The following PPP1R8 variants were observed in gnomAD, a reference collection of about 807,000 sequenced individuals.
The protein encoded by PPP1R8 is protein phosphatase 1 regulatory subunit 8.
PPP1R8 carries 4 observed loss-of-function variants against 31.3 expected under a neutral mutation model. The observed-to-expected ratio is 0.13, with a 90% CI of 0.06 to 0.29. The LOEUF is 0.29. PPP1R8 is among the 10% of genes least tolerant of loss of function. PPP1R8 has a pLI of 1.00. For missense variants in PPP1R8, 254 were observed against 440.1 expected, an observed-to-expected ratio of 0.58 and a Z score of 3.78; for synonymous variants, 170 against 169.7, an observed-to-expected ratio of 1.00 and a Z score of -0.01.
chr1:27,832,960 A>G (rs547448308), intron 2 of PPP1R8, 144 bp downstream of exon 2: 37 of 673,078 alleles, frequency 5.5e-5, no homozygotes, highest in Admixed American at 9.5e-5. Flanking sequence ...TTAAAAGCAC[A>G]TGGTGACATC....
chr1:27,838,264 C>A (rs936575093), intron 2 of PPP1R8, among the ~76,000 whole-genome samples: 3 of 151,680 alleles, frequency 2.0e-5, no homozygotes, highest in African/African-American at 7.3e-5. Flanking sequence ...CCTGTAGTCC[C>A]AGCTCCTTGG....
chr1:27,833,518 T>G (rs2148614080), intron 2 of PPP1R8, among the ~76,000 whole-genome samples: 1 of 152,312 alleles, frequency 6.6e-6, no homozygotes, highest in Admixed American at 6.5e-5. Context: ...ACATAGGAGT[T>G]CAAGAGAACA....
At chr1:27,847,358 T>C (rs1400674888) in intron 6 of PPP1R8, among the ~76,000 whole-genome samples, 1 of 151,896 alleles carries the variant, frequency 6.6e-6, no homozygotes, top group Non-Finnish European at 1.5e-5. Context: ...AATACAAAAA[T>C]TAGCCAGGCG....
chr1:27,843,438 C>G, intron 5 of PPP1R8, 108 bp downstream of exon 5: 1 of 1,376,662 alleles, frequency 7.3e-7, no homozygotes, highest in African/African-American at 1.4e-5. Flanking sequence ...GGGTGGATCA[C>G]TTAAGGTCAA....
At chr1:27,848,692 A>G (rs1306039378) in intron 6 of PPP1R8, among the ~76,000 whole-genome samples, 1 of 152,228 alleles carries the variant, frequency 6.6e-6, no homozygotes, top group African/African-American at 2.4e-5. Context: ...AAAGGAGTAT[A>G]GGATTGAGCA....
chr1:27,831,771 TC>T (rs1306476169), intron 1 of PPP1R8, among the ~76,000 whole-genome samples: 1 of 152,162 alleles, frequency 6.6e-6, no homozygotes, highest in Non-Finnish European at 1.5e-5. Flanking sequence ...CGGTGCATTG[TC>T]CTTTCCATAG....
rs572002070 is a variant in PPP1R8, at chr1:27,849,642, C to T, written c.703-451C>T. On this transcript the variant is annotated intron_variant, in intron 6 of 6. Transcript: ENST00000311772. ...TAGCTGTGATTACAGGCACCTGCCA[C>T]CACGCCTGGCTAATTTTTGTATTTT... 2.0e-5 allele frequency among the ~76,000 whole-genome samples: 3 copies of T among 152,238 alleles called. No individual in the cohort carries two copies. The East Asian group carries it at 5.8e-4, about 30-fold the overall frequency.
intron 2 of PPP1R8, among the ~76,000 whole-genome samples, chr1:27,835,718 A>G (rs767860696): frequency 2.6e-5 from 4 of 152,278 alleles, no homozygotes; most frequent in Admixed American, 6.5e-5. Context: ...AGTAGAATGA[A>G]GAAAATATAT....
chr1:27,845,197 T>C (rs2089264101), intron 5 of PPP1R8, among the ~76,000 whole-genome samples: 1 of 148,466 alleles, frequency 6.7e-6, no homozygotes, highest in South Asian at 2.1e-4. Context: ...AAGACCATGC[T>C]GGCTAACACG....
At chr1:27,844,229 C>G (rs2089250626) in intron 5 of PPP1R8, among the ~76,000 whole-genome samples, 1 of 152,200 alleles carries the variant, frequency 6.6e-6, no homozygotes, top group African/African-American at 2.4e-5. Context: ...TCTTGACCTC[C>G]TGGGCTTAAG....
intron 5 of PPP1R8, 135 bp from the exon 6 acceptor site, chr1:27,846,893 C>T: frequency 1.4e-6 from 1 of 727,760 alleles, no homozygotes. Flanking sequence ...GCACAATGCC[C>T]AGCACCCAGG....
At chr1:27,832,152 G>A (rs941389688) in intron 1 of PPP1R8, among the ~76,000 whole-genome samples, 1 of 152,170 alleles carries the variant, frequency 6.6e-6, no homozygotes, top group Non-Finnish European at 1.5e-5. Context: ...CCCTTGAATG[G>A]TATGGCTGTA....
chr1:27,848,779 TTTTG>T (rs757413757), intron 6 of PPP1R8, among the ~76,000 whole-genome samples: 65 of 152,344 alleles, frequency 4.3e-4, no homozygotes, highest in African/African-American at 1.1e-3. Flanking sequence ...CCTTGAGCTT[TTTTG>T]TTTGTTTGTT....
At chr1:27,845,234 T>TA (rs200640304) in intron 5 of PPP1R8, among the ~76,000 whole-genome samples, 3,385 of 149,310 alleles carry the variant, frequency 0.023, 152 homozygotes, top group African/African-American at 0.079. Flanking sequence ...ACTAAAAATA[T>TA]AAAAAATTAG....
At position 27,838,842 on chromosome 1, in the gene PPP1R8, T is replaced by C. The variant is rs181868862; in HGVS notation, c.261T>C (p.Asp87=). The change falls in exon 3 of 7, where the codon GAT becomes GAC. Residue 87 remains aspartate (D), a synonymous_variant. Transcript: ENST00000311772. The part of the protein sequence containing the change: ...HKHLKRVFLI[D]LNSTHGTFLG... ...ATCTGAAGAGAGTTTTCCTGATAGA[T>C]CTCAACAGTAGTAAGTAACTCCCTC... The C allele has an allele frequency of 3.1e-6, 5 of 1,602,888 alleles. No homozygotes were observed. Among genetic ancestry groups the C allele is most frequent in the Non-Finnish European group, 4.3e-6 (5 of 1,176,138 alleles).
rs371761856 is a variant in PPP1R8 at position 27,851,591 on chromosome 1, T to C, written c.*1145T>C. On this transcript the variant is annotated 3_prime_UTR_variant, in exon 7 of 7. Transcript: ENST00000311772. ...ATTGCCACTGCCATCTGGAAATGTTTGCTAAAGGCACAGTCACTGGGCTTG... is the reference window on the plus strand; with the variant it reads ...ATTGCCACTGCCATCTGGAAATGTTCGCTAAAGGCACAGTCACTGGGCTTG... 6.5e-5 allele frequency: 33 copies of C among 511,412 alleles called. No homozygotes were observed. The highest frequency in any genetic ancestry group is 5.6e-4 in the African/African-American group (29 of 51,904). The allele number at this position is 511,412 out of a possible 1,614,324, so 31.7% of individuals were successfully genotyped here. A position where few individuals can be genotyped will look rare whatever the true frequency, so the allele number is the denominator to read the frequency against.
intron 2 of PPP1R8, 62 bp downstream of exon 2, chr1:27,832,878 C>T: frequency 7.5e-7 from 1 of 1,335,742 alleles, no homozygotes; most frequent in South Asian, 1.3e-5. Context: ...CAGTGACTCA[C>T]TTTTCCACCC....
chr1:27,849,828 A>C (rs2089322534), intron 6 of PPP1R8, among the ~76,000 whole-genome samples: 1 of 152,108 alleles, frequency 6.6e-6, no homozygotes, highest in South Asian at 2.1e-4. Flanking sequence ...AACTCACAAC[A>C]CCATCCTTGG....
At chr1:27,843,564 G>T (rs1283273622) in intron 5 of PPP1R8, among the ~76,000 whole-genome samples, 2 of 151,958 alleles carry the variant, frequency 1.3e-5, no homozygotes, top group East Asian at 3.9e-4. Context: ...GGAGGTTAAG[G>T]CAGGAGAATT....
Sources: allele counts gnomAD v4.1 joint callset (sites outside exome capture counted in the v4.1 genomes callset), GRCh38; gene constraint gnomAD v4.1.1; transcripts MANE v1.5; gene names NCBI Gene and HGNC (gene_info 2026-07-23, HGNC 2026-07-21).